The following MYO18A variants were observed in gnomAD, a reference collection of about 807,000 sequenced individuals.
MYO18A encodes myosin XVIIIA, also known as unconventional myosin-XVIIIa.
MYO18A carries 78 observed loss-of-function variants against 235.8 expected under a neutral mutation model. That is an observed-to-expected ratio of 0.33 (90% CI 0.28 to 0.40). The LOEUF is 0.40. Ranked by LOEUF, MYO18A falls within the 10% of genes least tolerant of loss-of-function variation. The probability of loss-of-function intolerance (pLI) is 1.00; values close to 1 mark genes in which losing one functional copy is unlikely to be tolerated. For missense variants in MYO18A, 2,215 were observed against 2,699.3 expected (o/e 0.82, Z 3.98); for synonymous variants, 977 against 1,077.8 (o/e 0.91, Z 1.83).
At chr17:29,078,473 C>T (rs540708987) in intron 41 of MYO18A, 1 of 152,408 alleles carries the variant, frequency 6.6e-6, no homozygotes, top group East Asian at 1.9e-4. Context: ...GGTCTTACAT[C>T]AGTCCGTTTG....
chr17:29,100,343 C>G (rs1208502413), intron 21 of MYO18A, among the ~76,000 whole-genome samples: 1 of 152,222 alleles, frequency 6.6e-6, no homozygotes, highest in Non-Finnish European at 1.5e-5. Context: ...TTCTCCTCCC[C>G]CTCCCTGCTA....
Position 29,121,538 on chromosome 17 carries a change from G to T in MYO18A, c.1371+9C>A, listed in dbSNP as rs374397148. ...AGGAGTCTGCAGGGTAGCCTTGAGG[G>T]TGCTGCACCTTCTCAGAGTACACAG... On this transcript the variant is annotated intron_variant, in intron 5 of 41. Transcript: ENST00000527372. This position sits in a 1 kb window ranked among gnomAD's most constrained non-coding sequence, Gnocchi z 4.2. The T allele has an allele frequency of 1.3e-6, 2 of 1,596,286 alleles. No individual in the cohort carries two copies. The highest frequency in any genetic ancestry group is 1.3e-5 in the African/African-American group (1 of 74,724).
intron 37 of MYO18A, among the ~76,000 whole-genome samples, chr17:29,089,671 G>C (rs142784023): frequency 1.2e-4 from 19 of 152,260 alleles, no homozygotes; most frequent in South Asian, 4.1e-4. Flanking sequence ...GGGAACAGGC[G>C]GGGGGAGCTC....
Position 29,125,825 on chromosome 17 carries a change from G to C in MYO18A, c.1000-3572C>G, listed in dbSNP as rs981603399. ...GTCAGCGCGCCTACAGACACACACAGGGTCCTGCCGCCAGCCTCAGGAAGA... is the reference window on the plus strand; with the variant it reads ...GTCAGCGCGCCTACAGACACACACACGGTCCTGCCGCCAGCCTCAGGAAGA... On this transcript the variant is annotated intron_variant, in intron 2 of 41. Coordinates refer to ENST00000527372, the MANE Select transcript of MYO18A (RefSeq NM_078471.4). The surrounding 1 kb of genome is among the most constrained non-coding windows in gnomAD (Gnocchi z 5.1). The C allele has an allele frequency of 5.9e-6, 5 of 843,690 alleles. No homozygotes were observed. In the African/African-American group the frequency reaches 7.3e-5, roughly 12 times the overall value. The allele number at this position is 843,690 out of a possible 1,614,324, so 52.3% of individuals were successfully genotyped here.
chr17:29,115,312 C>A, intron 13 of MYO18A, 39 bp downstream of exon 13: 1 of 1,608,816 alleles, frequency 6.2e-7, no homozygotes, highest in Non-Finnish European at 8.5e-7. Flanking sequence ...TCCACCTCTG[C>A]CAAAGCAGGA....
Position 29,109,005 on chromosome 17 carries a change from T to A in MYO18A, c.3331+853A>T, listed in dbSNP as rs2066862596. 1.3e-5 allele frequency among the ~76,000 whole-genome samples: 2 copies of A among 152,062 alleles called. No individual in the cohort carries two copies. The highest frequency in any genetic ancestry group is 1.3e-4 in the Admixed American group (2 of 15,280). ...TTTATTTAGAGCAGGGCAGGGAGCC[T>A]GTTTCCTGGCTTGGGCTGCTAAGGA... is the stretch of plus-strand genomic sequence containing the variant. On this transcript the variant is annotated intron_variant, in intron 19 of 41. Coordinates refer to ENST00000527372, the MANE Select transcript of MYO18A (RefSeq NM_078471.4). The surrounding 1 kb of genome is among the most constrained non-coding windows in gnomAD (Gnocchi z 4.1).
chr17:29,093,977 T>C lies in MYO18A; in HGVS notation c.4821+3A>G. ...TGGACAGGTAAGTACTCAGATACCTTACCTTCTTCTGACACGACTGCCGGG... is the reference window on the plus strand; with the variant it reads ...TGGACAGGTAAGTACTCAGATACCTCACCTTCTTCTGACACGACTGCCGGG... On this transcript the variant is annotated splice_donor_region_variant and intron_variant, in intron 31 of 41. Transcript: ENST00000527372. The C allele has an allele frequency of 6.2e-7, 1 of 1,601,378 alleles. No homozygotes were observed. The highest frequency in any genetic ancestry group is 1.1e-5 in the South Asian group (1 of 88,514).
At chr17:29,129,170 C>T (rs2067399957) in intron 2 of MYO18A, 3 of 1,211,506 alleles carry the variant, frequency 2.5e-6, no homozygotes, top group African/African-American at 3.1e-5. Flanking sequence ...ACATGCCAGG[C>T]CTCCTCCTCA....
intron 2 of MYO18A, among the ~76,000 whole-genome samples, chr17:29,123,603 G>T (rs2067251777): frequency 6.6e-6 from 1 of 152,248 alleles, no homozygotes; most frequent in South Asian, 2.1e-4. Context: ...GGAGTAGGAG[G>T]GCTGGGCTGC....
At chr17:29,161,857 C>T (rs569670019) in intron 2 of MYO18A, among the ~76,000 whole-genome samples, 1 of 152,310 alleles carries the variant, frequency 6.6e-6, no homozygotes, top group East Asian at 1.9e-4. Context: ...TTTTGAGATC[C>T]TCAACTTTAC....
At chr17:29,082,815 G>A (rs2066153587) in intron 40 of MYO18A, among the ~76,000 whole-genome samples, 1 of 152,226 alleles carries the variant, frequency 6.6e-6, no homozygotes, top group African/African-American at 2.4e-5. Context: ...GACTCCTTGA[G>A]GCCTACTCTG....
At chr17:29,093,155 G>A (rs1377099525) in intron 32 of MYO18A, among the ~76,000 whole-genome samples, 154 bp from the exon 33 acceptor site, 1 of 152,186 alleles carries the variant, frequency 6.6e-6, no homozygotes, top group African/African-American at 2.4e-5. Context: ...AGGGCTGGGT[G>A]TGCCAATGTA....
At chr17:29,154,042 C>G (rs2068010604) in intron 2 of MYO18A, among the ~76,000 whole-genome samples, 1 of 152,064 alleles carries the variant, frequency 6.6e-6, no homozygotes, top group South Asian at 2.1e-4. Context: ...GGGCTAGAAG[C>G]AAATGGCAGA....
At position 29,073,071 on chromosome 17, in the gene MYO18A, AAAAG is replaced by A. The variant is rs1353479709; in HGVS notation, c.*1695_*1698del. ...TTCTAATGAGAAGGGCTTGAATCCA[AAAAG>A]AAAGAGAATGAAAGAAAGAAAGAGA... is the stretch of plus-strand genomic sequence containing the variant. On this transcript the variant is annotated 3_prime_UTR_variant, in exon 42 of 42. Transcript: ENST00000527372. 1.3e-5 allele frequency: 2 copies of A among 148,942 alleles called. No individual in the cohort carries two copies. Among genetic ancestry groups the A allele is most frequent in the East Asian group, 2.1e-4 (1 of 4,862 alleles). 9.2% of individuals were successfully genotyped at this position (148,942 alleles called of 1,614,324 possible). A position where few individuals can be genotyped will look rare whatever the true frequency, so the allele number is the denominator to read the frequency against.
In MYO18A at chr17:29,097,207, T is replaced by G; in HGVS notation, c.4230+16A>C. 1 of 1,599,662 alleles carries G rather than the reference T, an allele frequency of 6.3e-7. No individual in the cohort carries two copies. On this transcript the variant is annotated intron_variant, in intron 27 of 41. Transcript: ENST00000527372. ...GGCCCTCCCAGGCACAGGCCTCAGC[T>G]CCTCCCCAGCCTCACCCGCCGTTCC...
intron 15 of MYO18A, among the ~76,000 whole-genome samples, chr17:29,113,754 C>G (rs1048975887): frequency 6.6e-6 from 1 of 152,198 alleles, no homozygotes; most frequent in Admixed American, 6.5e-5. Flanking sequence ...TCCTGCCTGA[C>G]TGGGACCCCC....
intron 2 of MYO18A, among the ~76,000 whole-genome samples, chr17:29,124,472 A>G (rs1019027663): frequency 2.6e-5 from 4 of 152,140 alleles, no homozygotes; most frequent in African/African-American, 9.7e-5. Flanking sequence ...CACCATCTCA[A>G]GCTCCCGGCA....
chr17:29,166,326 C>G lies in MYO18A; in HGVS notation c.615G>C (p.Leu205=). The change falls in exon 2 of 42, where the codon CTG becomes CTC. Residue 205 remains leucine (L), a synonymous_variant. Transcript: ENST00000527372. ...GCAGGGGCACCACGGGGGGCAGGCG[C>G]AGGTCGACTGGGAACTTTTTAGTCA... ...ELVTKKFPVD[L]RLPPVVPLPP... 1.2e-6 allele frequency: 2 copies of G among 1,612,544 alleles called. No homozygotes were observed. The highest frequency in any genetic ancestry group is 1.7e-6 in the Non-Finnish European group (2 of 1,179,866).
At chr17:29,095,691 T>G (rs529215144) in intron 28 of MYO18A, among the ~76,000 whole-genome samples, 33 of 152,350 alleles carry the variant, frequency 2.2e-4, no homozygotes, top group African/African-American at 7.7e-4. Flanking sequence ...TCCCACTAAA[T>G]ATGGAGCAAA....
Sources: allele counts gnomAD v4.1 joint callset (sites outside exome capture counted in the v4.1 genomes callset), GRCh38; gene constraint gnomAD v4.1.1; non-coding constraint Gnocchi (gnomAD v3.1); transcripts MANE v1.5; gene names NCBI Gene and HGNC (gene_info 2026-07-23, HGNC 2026-07-21).